C10orf90: variants seen among roughly 807,000 people sequenced by gnomAD.
C10orf90 encodes (E2-independent) E3 ubiquitin-conjugating enzyme FATS.
In C10orf90, 56 loss-of-function variants were observed where a neutral mutation model predicts 62.5. That is an observed-to-expected ratio of 0.90 (90% CI 0.72 to 1.12). The LOEUF (loss-of-function observed/expected upper bound fraction) is 1.12. Ranked by LOEUF, C10orf90 falls within the 50% of genes most tolerant of loss-of-function variation. The pLI is 0.00. For synonymous variants in C10orf90, 386 were observed against 340.4 expected, an observed-to-expected ratio of 1.13 and a Z score of -1.47; for missense variants, 970 against 880.4, an observed-to-expected ratio of 1.10 and a Z score of -1.29.
intron 1 of C10orf90, among the ~76,000 whole-genome samples, chr10:126,658,994 C>T (rs1846452511): frequency 6.6e-6 from 1 of 152,214 alleles, no homozygotes; most frequent in Non-Finnish European, 1.5e-5. Flanking sequence ...TGTGGAGCTA[C>T]TCCACAGAGT....
chr10:126,607,839 TAAGA>T (rs1339812920), intron 2 of C10orf90, among the ~76,000 whole-genome samples: 1 of 152,150 alleles, frequency 6.6e-6, no homozygotes, highest in African/African-American at 2.4e-5. Context: ...TCATAACTTT[TAAGA>T]AAGTATTACA....
At chr10:126,571,927 C>T (rs954193554) in intron 2 of C10orf90, among the ~76,000 whole-genome samples, 3 of 152,178 alleles carry the variant, frequency 2.0e-5, no homozygotes, top group African/African-American at 7.2e-5. Flanking sequence ...AATCCCTGTC[C>T]TCTCAGAGGA....
chr10:126,436,792 T>C (rs972415630), intron 7 of C10orf90, among the ~76,000 whole-genome samples: 12 of 148,560 alleles, frequency 8.1e-5, no homozygotes, highest in African/African-American at 2.9e-4. Context: ...CTCCCCTGAA[T>C]AGCAGGGTTT....
chr10:126,588,553 A>G (rs549692722), intron 2 of C10orf90, among the ~76,000 whole-genome samples: 11 of 152,212 alleles, frequency 7.2e-5, no homozygotes, highest in Non-Finnish European at 1.3e-4. Flanking sequence ...AGAGGCAACT[A>G]GGGTCTGGAG....
chr10:126,649,124 G>A (rs982558937), intron 1 of C10orf90, among the ~76,000 whole-genome samples: 3 of 136,966 alleles, frequency 2.2e-5, no homozygotes, highest in South Asian at 2.4e-4. Flanking sequence ...GACCCACAGC[G>A]TTCTGCAAAT....
At chr10:126,439,788 G>T (rs181877565) in intron 7 of C10orf90, among the ~76,000 whole-genome samples, 1 of 152,116 alleles carries the variant, frequency 6.6e-6, no homozygotes, top group Non-Finnish European at 1.5e-5. Context: ...GAAAATGAAT[G>T]AAGAAAGCTT....
chr10:126,597,551 A>C (rs571725616), intron 2 of C10orf90, among the ~76,000 whole-genome samples: 1 of 152,338 alleles, frequency 6.6e-6, no homozygotes, highest in Non-Finnish European at 1.5e-5. Context: ...CATTTTAAAA[A>C]GACAATTGGA....
At chr10:126,440,315 A>G (rs1403274926) in intron 7 of C10orf90, among the ~76,000 whole-genome samples, 2 of 152,094 alleles carry the variant, frequency 1.3e-5, no homozygotes, top group Non-Finnish European at 2.9e-5. Context: ...AGGGAGCCAT[A>G]ATCCTCCTAG....
intron 3 of C10orf90, among the ~76,000 whole-genome samples, chr10:126,511,779 G>A (rs1334568570): frequency 6.6e-6 from 1 of 152,126 alleles, no homozygotes; most frequent in South Asian, 2.1e-4. Context: ...AGAGGAAAAT[G>A]TACAGATATT....
chr10:126,427,425 T>G (rs1171839418), intron 8 of C10orf90, among the ~76,000 whole-genome samples: 1 of 152,192 alleles, frequency 6.6e-6, no homozygotes, highest in Non-Finnish European at 1.5e-5. Context: ...GATGCCTGGA[T>G]GGCTGATAAA....
chr10:126,627,644 G>T (rs1477060572), intron 2 of C10orf90, among the ~76,000 whole-genome samples: 1 of 152,198 alleles, frequency 6.6e-6, no homozygotes. Context: ...CCTTCTGGCA[G>T]TTAAAGGTAA....
intron 2 of C10orf90, among the ~76,000 whole-genome samples, chr10:126,572,160 G>A (rs1844519856): frequency 6.6e-6 from 1 of 152,062 alleles, no homozygotes; most frequent in Non-Finnish European, 1.5e-5. Flanking sequence ...AGAAGATACA[G>A]GTCATACAGA....
chr10:126,442,792 T>C (rs1010452373), intron 7 of C10orf90, among the ~76,000 whole-genome samples: 1 of 149,788 alleles, frequency 6.7e-6, no homozygotes, highest in Admixed American at 6.7e-5. Flanking sequence ...TTTAAGACAA[T>C]TGAAATTATA....
In C10orf90 at chr10:126,427,971, C is replaced by T. The variant is rs150717500; in HGVS notation, c.2252+1816G>A. Among the ~76,000 whole-genome samples, 48 of 152,142 alleles carry T rather than the reference C, an allele frequency of 3.2e-4. No homozygotes were observed. The East Asian group carries it at 4.8e-3, about 15-fold the overall frequency. ...AGTATAAAATAAAGGCTCCTAGGTC[C>T]CACCTCTGTTACTTCTGATTCAGTG... On this transcript the variant is annotated intron_variant, in intron 8 of 9. Transcript: ENST00000488181.
chr10:126,462,295 C>T (rs1447254931), intron 5 of C10orf90, among the ~76,000 whole-genome samples: 2 of 152,158 alleles, frequency 1.3e-5, no homozygotes, highest in Non-Finnish European at 2.9e-5. Context: ...ACTTGCCTCA[C>T]TGCACCTTCC....
At position 126,456,049 on chromosome 10, in the gene C10orf90, T is replaced by G. The variant is rs1029690832; in HGVS notation, c.2188+2991A>C. Among the ~76,000 whole-genome samples, 8 of 152,260 alleles carry G rather than the reference T, an allele frequency of 5.3e-5. No homozygotes were observed. Among genetic ancestry groups the G allele is most frequent in the Non-Finnish European group, 1.2e-4 (8 of 68,038 alleles). On this transcript the variant is annotated intron_variant, in intron 7 of 9. Transcript: ENST00000488181. This position sits in a 1 kb window ranked among gnomAD's most constrained non-coding sequence, Gnocchi z 4.9. ...CAGCACCAAAAGCAAATAGGAGTCT[T>G]CTTTTTAACAGACGCCTTGACACTG... is the stretch of plus-strand genomic sequence containing the variant.
chr10:126,529,405 A>G (rs550883822), intron 2 of C10orf90, among the ~76,000 whole-genome samples: 3 of 152,310 alleles, frequency 2.0e-5, no homozygotes, highest in South Asian at 4.1e-4. Flanking sequence ...CTGATCATCA[A>G]AAGATTCCAT....
At chr10:126,594,708 G>A (rs576438161) in intron 2 of C10orf90, among the ~76,000 whole-genome samples, 19 of 152,292 alleles carry the variant, frequency 1.2e-4, no homozygotes, top group Non-Finnish European at 1.8e-4. Context: ...TGGTGAGGAC[G>A]GAACTACAGC....
intron 7 of C10orf90, among the ~76,000 whole-genome samples, chr10:126,434,106 C>T (rs1254451625): frequency 1.3e-5 from 2 of 152,200 alleles, no homozygotes; most frequent in Non-Finnish European, 2.9e-5. Flanking sequence ...CTTCCTCAAG[C>T]CCTTGCCTGT....
Sources: gnomAD v4.1 joint callset for allele counts (sites outside exome capture counted in the v4.1 genomes callset) on GRCh38, gnomAD v4.1.1 for gene constraint, Gnocchi (gnomAD v3.1) non-coding constraint, MANE v1.5 for transcripts, NCBI Gene and HGNC (gene_info 2026-07-23, HGNC 2026-07-21) for gene names.